The following RARB variants were observed in gnomAD, a reference collection of about 807,000 sequenced individuals.
RARB encodes the protein retinoic acid receptor beta.
In RARB, 17 loss-of-function variants were observed where a neutral mutation model predicts 51.9. The observed-to-expected ratio is 0.33, with a 90% CI of 0.22 to 0.49. The LOEUF (loss-of-function observed/expected upper bound fraction) is 0.49. Among genes scored for constraint, RARB ranks in the 20% least tolerant of loss-of-function variants. The pLI is 0.99. For synonymous variants in RARB, 215 were observed against 195.4 expected (o/e 1.10, Z -0.84); for missense variants, 369 against 550.8 (o/e 0.67, Z 3.30).
intron 2 of RARB, among the ~76,000 whole-genome samples, chr3:24,906,161 A>G (rs1049014043): frequency 6.6e-6 from 1 of 152,138 alleles, no homozygotes; most frequent in African/African-American, 2.4e-5. Flanking sequence ...TGAGGAGGGG[A>G]TGTCGTGGCC....
At chr3:25,054,662 T>C (rs1698402506) in intron 2 of RARB, among the ~76,000 whole-genome samples, 1 of 152,116 alleles carries the variant, frequency 6.6e-6, no homozygotes, top group African/African-American at 2.4e-5. Context: ...GCAGGGAAAC[T>C]GTGGATGCTG....
intron 1 of RARB, among the ~76,000 whole-genome samples, chr3:25,440,953 G>A (rs1487719898): frequency 6.6e-6 from 1 of 151,940 alleles, no homozygotes; most frequent in Non-Finnish European, 1.5e-5. Context: ...AAATGAAGAT[G>A]GAAAAACTGC....
intron 3 of RARB, among the ~76,000 whole-genome samples, chr3:25,543,424 G>A (rs1699469574): frequency 6.6e-6 from 1 of 152,136 alleles, no homozygotes; most frequent in Admixed American, 6.5e-5. Flanking sequence ...AATTCAGTCT[G>A]TTCAGGCAGT....
At chr3:25,452,033 A>G (rs1204254713) in intron 1 of RARB, among the ~76,000 whole-genome samples, 1 of 152,238 alleles carries the variant, frequency 6.6e-6, no homozygotes, top group Non-Finnish European at 1.5e-5. Context: ...AGCTTCGTCT[A>G]CACATGACTC....
At chr3:25,250,566 G>T (rs1702688131) in intron 5 of RARB, among the ~76,000 whole-genome samples, 1 of 152,152 alleles carries the variant, frequency 6.6e-6, no homozygotes, top group East Asian at 1.9e-4. Flanking sequence ...TGGGGTCACT[G>T]ACAGTGGCTC....
intron 4 of RARB, among the ~76,000 whole-genome samples, chr3:25,142,608 A>G (rs565060771): frequency 1.3e-5 from 2 of 150,094 alleles, no homozygotes; most frequent in Admixed American, 6.6e-5. Context: ...TTTTTGGTAA[A>G]TATCCCATCT....
intron 2 of RARB, among the ~76,000 whole-genome samples, chr3:24,990,221 A>G (rs1395029392): frequency 2.1e-5 from 2 of 94,850 alleles, no homozygotes; most frequent in African/African-American, 8.4e-5. Context: ...ACATGTGCAC[A>G]ATGTGCAGGT....
At chr3:25,044,909 G>A (rs1220523723) in intron 2 of RARB, among the ~76,000 whole-genome samples, 1 of 152,148 alleles carries the variant, frequency 6.6e-6, no homozygotes, top group Non-Finnish European at 1.5e-5. Flanking sequence ...ATTGTTCTCA[G>A]TGAATGCCCT....
chr3:25,200,794 G>C (rs1188404659), intron 5 of RARB, among the ~76,000 whole-genome samples: 3 of 152,110 alleles, frequency 2.0e-5, no homozygotes, highest in Non-Finnish European at 2.9e-5. Flanking sequence ...CTGTTCCATT[G>C]ATCTATATCT....
intron 4 of RARB, among the ~76,000 whole-genome samples, chr3:25,154,229 G>C (rs1700339068): frequency 6.6e-6 from 1 of 152,098 alleles, no homozygotes. Flanking sequence ...TATATCCACA[G>C]GCATTTCAAT....
intron 5 of RARB, among the ~76,000 whole-genome samples, chr3:25,410,571 T>C (rs1707534823): frequency 6.6e-6 from 1 of 152,230 alleles, no homozygotes; most frequent in African/African-American, 2.4e-5. Context: ...TATTTTCTTT[T>C]TTGCTTAATT....
intron 5 of RARB, among the ~76,000 whole-genome samples, chr3:25,216,766 T>A (rs543082232): frequency 4.6e-5 from 7 of 151,352 alleles, no homozygotes; most frequent in African/African-American, 1.7e-4. Flanking sequence ...ATATATATAT[T>A]TTGTTTCTTC....
At chr3:25,339,275 G>A (rs368983588) in intron 5 of RARB, among the ~76,000 whole-genome samples, 52 of 152,178 alleles carry the variant, frequency 3.4e-4, no homozygotes, top group African/African-American at 1.0e-3. Context: ...TCTGTACATC[G>A]TGAAGTATAA....
At chr3:24,866,128 C>G (rs1702843161) in intron 2 of RARB, among the ~76,000 whole-genome samples, 1 of 152,112 alleles carries the variant, frequency 6.6e-6, no homozygotes, top group African/African-American at 2.4e-5. Context: ...AAGTCTAACT[C>G]CTAGGCTGAC....
At chr3:24,964,038 A>G (rs1347215089) in intron 2 of RARB, among the ~76,000 whole-genome samples, 1 of 151,724 alleles carries the variant, frequency 6.6e-6, no homozygotes, top group Non-Finnish European at 1.5e-5. Flanking sequence ...TCAGTATTTG[A>G]TATTTGTTTT....
At chr3:24,880,495 A>T (rs995109418) in intron 2 of RARB, among the ~76,000 whole-genome samples, 8 of 152,174 alleles carry the variant, frequency 5.3e-5, no homozygotes, top group Non-Finnish European at 8.8e-5. Flanking sequence ...AGTTGAAGAT[A>T]CCTATTTGTT....
Position 25,012,406 on chromosome 3 carries a change from C to T in RARB, c.-379-47719C>T, listed in dbSNP as rs183241603. Among the ~76,000 whole-genome samples the T allele has an allele frequency of 5.3e-5, 8 of 152,228 alleles. No homozygotes were observed. In the East Asian group the frequency reaches 1.5e-3, roughly 29 times the overall value. On this transcript the variant is annotated intron_variant, in intron 2 of 11. Transcript: ENST00000383772. ...ATTCAGAAGGTCTTGATTGGGGCAA[C>T]AGAATGAGTATTTCTAACAAGCTCC... is the stretch of plus-strand genomic sequence containing the variant.
intron 3 of RARB, among the ~76,000 whole-genome samples, chr3:25,514,064 A>G (rs1036955391): frequency 6.6e-6 from 1 of 152,204 alleles, no homozygotes; most frequent in Admixed American, 6.5e-5. Flanking sequence ...TGTCTCCCTA[A>G]AAATAGCAAC....
At chr3:24,922,646 T>C (rs941368782) in intron 2 of RARB, among the ~76,000 whole-genome samples, 1 of 151,892 alleles carries the variant, frequency 6.6e-6, no homozygotes, top group Non-Finnish European at 1.5e-5. Flanking sequence ...GCCTCATGGG[T>C]GGTAGAAAAA....
Sources: gnomAD v4.1 joint callset for allele counts (sites outside exome capture counted in the v4.1 genomes callset) on GRCh38, gnomAD v4.1.1 for gene constraint, MANE v1.5 for transcripts, NCBI Gene and HGNC (gene_info 2026-07-23, HGNC 2026-07-21) for gene names.